The following FHOD3 variants were observed in gnomAD, a reference collection of about 807,000 sequenced individuals.
The protein encoded by FHOD3 is formin homology 2 domain containing 3.
In FHOD3, 90 loss-of-function variants were observed where a neutral mutation model predicts 173.0. That is an observed-to-expected ratio of 0.52 (90% confidence interval 0.44 to 0.62). The LOEUF is 0.62. Among genes scored for constraint, FHOD3 ranks in the 20% least tolerant of loss-of-function variants. The probability of loss-of-function intolerance (pLI) is 0.00; values close to 1 mark genes in which losing one functional copy is unlikely to be tolerated. For synonymous variants in FHOD3, 828 were observed against 823.0 expected (o/e 1.01, Z -0.10); for missense variants, 1,945 against 2,034.7 (o/e 0.96, Z 0.85).
intron 6 of FHOD3, among the ~76,000 whole-genome samples, chr18:36,591,035 T>G (rs887061008): frequency 1.3e-5 from 2 of 152,152 alleles, no homozygotes; most frequent in African/African-American, 4.8e-5. Flanking sequence ...ATAATAATAG[T>G]CCACCCACTG....
In FHOD3 at chr18:36,720,781, T is replaced by TTCC. The variant is rs1196357733; in HGVS notation, c.3417+2075_3417+2077dup. Among the ~76,000 whole-genome samples, 9 of 37,172 alleles carry TTCC rather than the reference T, an allele frequency of 2.4e-4. No homozygotes were observed. In the East Asian group the frequency reaches 5.9e-3, roughly 25 times the overall value. 24.4% of individuals were successfully genotyped at this position (37,172 alleles called of 152,430 possible). ...CCTGCTCCTTCTCCTCCTCCTCCTC[T>TTCC]TCCTCCTCCTCTTCCTCCTCCTCTT... On this transcript the variant is annotated intron_variant, in intron 19 of 28. Transcript: ENST00000590592.
At chr18:36,741,408 AAAG>A (rs1275551446) in intron 21 of FHOD3, among the ~76,000 whole-genome samples, 1 of 152,166 alleles carries the variant, frequency 6.6e-6, no homozygotes, top group Non-Finnish European at 1.5e-5. Context: ...GTGTAGAAGA[AAAG>A]GAGGAGATGG....
At chr18:36,334,505 A>T (rs1598745679) in intron 1 of FHOD3, among the ~76,000 whole-genome samples, 1 of 152,370 alleles carries the variant, frequency 6.6e-6, no homozygotes, top group Middle Eastern at 3.4e-3. Flanking sequence ...TTAAGGACAC[A>T]AACAGGGGGT....
At chr18:36,556,895 C>T (rs2057909500) in intron 5 of FHOD3, among the ~76,000 whole-genome samples, 1 of 152,152 alleles carries the variant, frequency 6.6e-6, no homozygotes, top group South Asian at 2.1e-4. Context: ...TGTATCTGAA[C>T]AGGTCTTTAT....
intron 14 of FHOD3, among the ~76,000 whole-genome samples, chr18:36,665,182 T>A (rs188395714): frequency 2.6e-5 from 4 of 152,368 alleles, no homozygotes; most frequent in African/African-American, 9.6e-5. Context: ...TAATGAGGAC[T>A]AAATAAGTTT....
chr18:36,314,853 G>T (rs564148133), intron 1 of FHOD3, among the ~76,000 whole-genome samples: 3 of 152,286 alleles, frequency 2.0e-5, no homozygotes, highest in East Asian at 3.9e-4. Flanking sequence ...AGGCCTAAGT[G>T]GGGGAGATCT....
At chr18:36,753,478 G>T (rs911755573) in intron 24 of FHOD3, among the ~76,000 whole-genome samples, 3 of 152,152 alleles carry the variant, frequency 2.0e-5, no homozygotes, top group Non-Finnish European at 4.4e-5. Flanking sequence ...TGGACATTTG[G>T]GTTGTTTCCA....
At chr18:36,564,742 C>G (rs754862228) in intron 5 of FHOD3, among the ~76,000 whole-genome samples, 54 of 152,194 alleles carry the variant, frequency 3.5e-4, no homozygotes, top group Middle Eastern at 3.4e-3. Context: ...GACGGGCCCT[C>G]CCTCCTTTGA....
intron 5 of FHOD3, among the ~76,000 whole-genome samples, chr18:36,516,207 G>A (rs894646907): frequency 6.6e-6 from 1 of 152,128 alleles, no homozygotes. Context: ...GTCCACCCAT[G>A]TTTTAACTGT....
At chr18:36,314,851 G>C (rs938501126) in intron 1 of FHOD3, among the ~76,000 whole-genome samples, 2 of 152,198 alleles carry the variant, frequency 1.3e-5, no homozygotes, top group Admixed American at 6.5e-5. Context: ...CAAGGCCTAA[G>C]TGGGGGAGAT....
chr18:36,655,774 A>ACAC (rs1568559106), intron 13 of FHOD3, among the ~76,000 whole-genome samples: 1 of 82,096 alleles, frequency 1.2e-5, no homozygotes, highest in African/African-American at 4.9e-5. Flanking sequence ...CACACACACA[A>ACAC]AAATGCTGAA....
intron 20 of FHOD3, among the ~76,000 whole-genome samples, chr18:36,736,087 TTACTC>T (rs1290380005): frequency 2.0e-5 from 3 of 152,188 alleles, no homozygotes; most frequent in African/African-American, 7.2e-5. Flanking sequence ...GGTGCCTCAC[TTACTC>T]AGCTTGCAGC....
chr18:36,525,553 A>G (rs1049773983), intron 5 of FHOD3, among the ~76,000 whole-genome samples: 1 of 152,246 alleles, frequency 6.6e-6, no homozygotes, highest in Non-Finnish European at 1.5e-5. Context: ...ACAGAGTTAG[A>G]AAATGAATAT....
intron 3 of FHOD3, among the ~76,000 whole-genome samples, chr18:36,393,495 C>T (rs9966388): frequency 0.049 from 7,465 of 152,114 alleles, 620 homozygotes; most frequent in African/African-American, 0.17. Context: ...TAGACATTGC[C>T]GAATGTCCCT....
At chr18:36,622,366 A>T (rs949973360) in intron 9 of FHOD3, among the ~76,000 whole-genome samples, 1 of 152,204 alleles carries the variant, frequency 6.6e-6, no homozygotes, top group African/African-American at 2.4e-5. Context: ...AAAGAAAAAA[A>T]TTCTTAAGAA....
intron 9 of FHOD3, among the ~76,000 whole-genome samples, chr18:36,623,640 C>T (rs549078992): frequency 1.1e-4 from 16 of 152,340 alleles, no homozygotes; most frequent in African/African-American, 3.8e-4. Flanking sequence ...TCAATTCTTG[C>T]CTCAAACCTC....
chr18:36,482,452 C>CT (rs1409790972), intron 3 of FHOD3, among the ~76,000 whole-genome samples: 4 of 151,602 alleles, frequency 2.6e-5, no homozygotes, highest in African/African-American at 9.7e-5. Context: ...ACTGCGTGAC[C>CT]CCCCCGCCCC....
At chr18:36,695,189 A>T (rs936416133) in intron 17 of FHOD3, among the ~76,000 whole-genome samples, 2 of 151,850 alleles carry the variant, frequency 1.3e-5, no homozygotes, top group Non-Finnish European at 1.5e-5. Flanking sequence ...CTAAAAAAAA[A>T]AAATACAAAA....
chr18:36,750,831 C>T (rs553219099), intron 24 of FHOD3, among the ~76,000 whole-genome samples: 2 of 152,262 alleles, frequency 1.3e-5, no homozygotes, highest in South Asian at 4.1e-4. Flanking sequence ...CTATTCTGTT[C>T]CATTGGTCTA....
Sources: gnomAD v4.1 joint callset for allele counts (sites outside exome capture counted in the v4.1 genomes callset) on GRCh38, gnomAD v4.1.1 for gene constraint, MANE v1.5 for transcripts, NCBI Gene and HGNC (gene_info 2026-07-23, HGNC 2026-07-21) for gene names.